Variants in NELL1 observed in about 807,000 individuals in gnomAD.
The protein encoded by NELL1 is protein kinase C-binding protein NELL1.
A neutral mutation model predicts 107.4 loss-of-function variants in NELL1; 76 were observed. That is an observed-to-expected ratio of 0.71 (90% CI 0.59 to 0.86). The LOEUF (loss-of-function observed/expected upper bound fraction) is 0.86. Ranked by LOEUF, NELL1 falls within the 40% of genes least tolerant of loss-of-function variation. The probability of loss-of-function intolerance (pLI) is 0.00; values close to 1 mark genes in which losing one functional copy is unlikely to be tolerated. For synonymous variants in NELL1, 353 were observed against 341.2 expected (o/e 1.03, Z -0.38); for missense variants, 1,024 against 1,005.5 (o/e 1.02, Z -0.25).
At chr11:20,705,202 C>G (rs1451071667) in intron 2 of NELL1, among the ~76,000 whole-genome samples, 1 of 152,108 alleles carries the variant, frequency 6.6e-6, no homozygotes, top group Non-Finnish European at 1.5e-5. Context: ...CCCACATTGC[C>G]AAGTCAATCC....
chr11:20,888,560 G>A (rs367976857), intron 5 of NELL1, among the ~76,000 whole-genome samples: 25 of 151,926 alleles, frequency 1.6e-4, no homozygotes, highest in African/African-American at 5.8e-4. Context: ...TAAGTATAAC[G>A]GGTAAGAATT....
At chr11:21,238,657 G>T (rs1858271445) in intron 14 of NELL1, among the ~76,000 whole-genome samples, 1 of 152,004 alleles carries the variant, frequency 6.6e-6, no homozygotes, top group Admixed American at 6.6e-5. Flanking sequence ...TTTTTCTGAG[G>T]TTCAAAGAAT....
At chr11:21,042,649 C>T (rs1323464119) in intron 12 of NELL1, among the ~76,000 whole-genome samples, 1 of 151,964 alleles carries the variant, frequency 6.6e-6, no homozygotes, top group Non-Finnish European at 1.5e-5. Context: ...CAGTGGCTTC[C>T]TTACTGTAGC....
intron 14 of NELL1, among the ~76,000 whole-genome samples, chr11:21,237,972 C>A (rs1437675921): frequency 3.3e-5 from 5 of 152,034 alleles, no homozygotes; most frequent in African/African-American, 4.8e-5. Flanking sequence ...TCAGTCCCAA[C>A]CTCTTCCCTG....
At chr11:21,569,207 C>G (rs998515945) in intron 17 of NELL1, among the ~76,000 whole-genome samples, 1 of 121,628 alleles carries the variant, frequency 8.2e-6, no homozygotes, top group African/African-American at 2.6e-5. Flanking sequence ...TGGCACATGA[C>G]TTTATTGAAA....
intron 5 of NELL1, among the ~76,000 whole-genome samples, chr11:20,905,098 T>C (rs2134138038): frequency 6.6e-6 from 1 of 151,738 alleles, no homozygotes; most frequent in East Asian, 1.9e-4. Flanking sequence ...CCACAGCCTA[T>C]CAGAGTGTTG....
At chr11:21,103,992 A>T (rs966224832) in intron 12 of NELL1, among the ~76,000 whole-genome samples, 1 of 152,190 alleles carries the variant, frequency 6.6e-6, no homozygotes, top group Non-Finnish European at 1.5e-5. Context: ...TTTACGGCCT[A>T]TAGCATTTGG....
intron 13 of NELL1, among the ~76,000 whole-genome samples, chr11:21,117,798 C>T (rs1394201399): frequency 6.6e-6 from 1 of 151,922 alleles, no homozygotes; most frequent in Non-Finnish European, 1.5e-5. Flanking sequence ...GAAAAGAGAT[C>T]CTGGAGGCCC....
At chr11:21,503,648 A>C (rs751214352) in intron 15 of NELL1, among the ~76,000 whole-genome samples, 1 of 152,200 alleles carries the variant, frequency 6.6e-6, no homozygotes, top group African/African-American at 2.4e-5. Flanking sequence ...TCTAGGTAAT[A>C]GGTAATTATT....
Position 21,450,820 on chromosome 11 carries a change from G to GT in NELL1, c.1645+79879dup, listed in dbSNP as rs199641212. 7.2e-3 allele frequency among the ~76,000 whole-genome samples: 1,091 copies of GT among 151,792 alleles called. 13 individuals carry two copies. The highest frequency in any genetic ancestry group is 0.025 in the African/African-American group (1,023 of 41,380). ...TAACATTAATATAATATTTTTTTCT[G>GT]TTTTTTTAATGAGTATATATTGCTT... On this transcript the variant is annotated intron_variant, in intron 15 of 19. Transcript: ENST00000357134.
chr11:20,815,332 C>T (rs921867523), intron 3 of NELL1, among the ~76,000 whole-genome samples: 8 of 151,994 alleles, frequency 5.3e-5, no homozygotes, highest in South Asian at 2.1e-4. Flanking sequence ...GTGATCCACC[C>T]GCCTCAGCCT....
At chr11:20,723,414 G>A (rs1855437201) in intron 2 of NELL1, among the ~76,000 whole-genome samples, 1 of 152,162 alleles carries the variant, frequency 6.6e-6, no homozygotes, top group Non-Finnish European at 1.5e-5. Flanking sequence ...AAACACAGGG[G>A]CCACAGGCCT....
Position 21,082,640 on chromosome 11 carries a change from G to A in NELL1, c.1301-30949G>A, listed in dbSNP as rs577144668. On this transcript the variant is annotated intron_variant, in intron 12 of 19. Transcript: ENST00000357134. ...CCAGATCTTGCTCTAGCATTTGAAA[G>A]CCTCTAGGATCTGGTTCCTATGCTA... is the stretch of plus-strand genomic sequence containing the variant. Among the ~76,000 whole-genome samples the A allele has an allele frequency of 2.0e-5, 3 of 152,256 alleles. No homozygotes were observed. In the East Asian group the frequency reaches 5.8e-4, roughly 29 times the overall value.
intron 12 of NELL1, among the ~76,000 whole-genome samples, chr11:20,966,374 G>A (rs1851387298): frequency 6.6e-6 from 1 of 151,970 alleles, no homozygotes; most frequent in East Asian, 1.9e-4. Flanking sequence ...TTGTTACAAT[G>A]GTGACTAAAT....
chr11:20,938,402 CAA>C (rs1564976413), intron 10 of NELL1, among the ~76,000 whole-genome samples: 2 of 152,106 alleles, frequency 1.3e-5, no homozygotes, highest in Non-Finnish European at 2.9e-5. Context: ...GTGAACAAAA[CAA>C]AGTCACTGTC....
At chr11:21,300,793 G>A (rs530387035) in intron 14 of NELL1, among the ~76,000 whole-genome samples, 4 of 151,656 alleles carry the variant, frequency 2.6e-5, no homozygotes, top group East Asian at 1.9e-4. Flanking sequence ...TAGGGTACAC[G>A]GGCACAACGT....
chr11:20,753,585 T>C (rs527907383), intron 2 of NELL1, among the ~76,000 whole-genome samples: 2 of 152,316 alleles, frequency 1.3e-5, no homozygotes, highest in South Asian at 4.1e-4. Context: ...GGCCACCACC[T>C]CTTTAAAAAC....
intron 17 of NELL1, among the ~76,000 whole-genome samples, chr11:21,565,582 T>C (rs1383287156): frequency 6.6e-6 from 1 of 151,924 alleles, no homozygotes; most frequent in Non-Finnish European, 1.5e-5. Context: ...ACTGCCACTT[T>C]GAAAACTTTT....
intron 2 of NELL1, among the ~76,000 whole-genome samples, chr11:20,723,561 GAA>G (rs1855441045): frequency 1.3e-5 from 2 of 152,200 alleles, no homozygotes; most frequent in Non-Finnish European, 2.9e-5. Flanking sequence ...CTGCACCCGT[GAA>G]GCTCTGGAGG....
Sources: allele counts gnomAD v4.1 joint callset (sites outside exome capture counted in the v4.1 genomes callset), GRCh38; gene constraint gnomAD v4.1.1; transcripts MANE v1.5; gene names NCBI Gene and HGNC (gene_info 2026-07-23, HGNC 2026-07-21).